The following MYOM1 variants were observed in gnomAD, a reference collection of about 807,000 sequenced individuals.
MYOM1 encodes the protein myomesin 1, also known as myomesin-1.
MYOM1 carries 164 observed loss-of-function variants against 205.3 expected under a neutral mutation model. The ratio of observed to expected loss-of-function variants is 0.80; its 90% CI spans 0.70 to 0.91. The LOEUF (loss-of-function observed/expected upper bound fraction) is 0.91, where lower values mean the gene tolerates loss of function less well. MYOM1 is among the 40% of genes least tolerant of loss of function. The pLI, the probability that MYOM1 is intolerant of heterozygous loss-of-function variation, is 0.00. For synonymous variants in MYOM1, 772 were observed against 789.4 expected, an observed-to-expected ratio of 0.98 and a Z score of 0.37; for missense variants, 2,011 against 2,127.3, an observed-to-expected ratio of 0.95 and a Z score of 1.08.
chr18:3,191,037 G>A (rs2080897072), intron 3 of MYOM1, among the ~76,000 whole-genome samples: 1 of 152,148 alleles, frequency 6.6e-6, no homozygotes, highest in African/African-American at 2.4e-5. Flanking sequence ...GTTAGACCCA[G>A]GCAATAGGGA....
At chr18:3,096,507 C>T (rs1315066197) in intron 25 of MYOM1, among the ~76,000 whole-genome samples, 3 of 148,620 alleles carry the variant, frequency 2.0e-5, no homozygotes, top group Non-Finnish European at 4.4e-5. Context: ...ATGGCATGAT[C>T]TCGGCTCACT....
intron 5 of MYOM1, among the ~76,000 whole-genome samples, chr18:3,182,585 C>G (rs907015072): frequency 1.3e-5 from 2 of 152,126 alleles, no homozygotes; most frequent in Non-Finnish European, 2.9e-5. Flanking sequence ...CACAGTGAAC[C>G]CTTCCTGGTA....
At chr18:3,086,569 C>T (rs2079157041) in intron 29 of MYOM1, among the ~76,000 whole-genome samples, 2 of 141,242 alleles carry the variant, frequency 1.4e-5, no homozygotes, top group African/African-American at 5.6e-5. Flanking sequence ...AAGCGCCAAT[C>T]TATATCTAAA....
intron 22 of MYOM1, among the ~76,000 whole-genome samples, chr18:3,110,588 C>T (rs1163178987): frequency 1.3e-5 from 2 of 152,140 alleles, no homozygotes; most frequent in African/African-American, 4.8e-5. Flanking sequence ...AGCACATGTA[C>T]AGAAAAGACA....
chr18:3,093,254 C>T (rs747099844), intron 26 of MYOM1, among the ~76,000 whole-genome samples: 25 of 152,308 alleles, frequency 1.6e-4, no homozygotes, highest in Non-Finnish European at 3.2e-4. Flanking sequence ...ACAAACCACA[C>T]CTCCTCTGCC....
intron 2 of MYOM1, among the ~76,000 whole-genome samples, chr18:3,200,324 CA>C (rs1374846836): frequency 1.3e-5 from 2 of 152,136 alleles, no homozygotes; most frequent in African/African-American, 4.8e-5. Context: ...AGTTATGAGA[CA>C]TGCCAAGAAA....
chr18:3,204,336 A>C (rs1241714612), intron 2 of MYOM1, among the ~76,000 whole-genome samples: 2 of 151,988 alleles, frequency 1.3e-5, no homozygotes, highest in South Asian at 2.1e-4. Flanking sequence ...ATCCTAAAAA[A>C]TACACACAAA....
At chr18:3,176,844 T>C (rs2080648187) in intron 5 of MYOM1, among the ~76,000 whole-genome samples, 1 of 151,988 alleles carries the variant, frequency 6.6e-6, no homozygotes, top group African/African-American at 2.4e-5. Flanking sequence ...ATTGTGCCAC[T>C]GCACTCCAGC....
intron 10 of MYOM1, among the ~76,000 whole-genome samples, chr18:3,159,125 G>A (rs2080344430): frequency 6.6e-6 from 1 of 152,144 alleles, no homozygotes; most frequent in Non-Finnish European, 1.5e-5. Flanking sequence ...AAGCCTCAAG[G>A]AATATGTAAT....
intron 25 of MYOM1, among the ~76,000 whole-genome samples, chr18:3,098,683 G>A (rs1188544105): frequency 6.6e-6 from 1 of 152,210 alleles, no homozygotes; most frequent in African/African-American, 2.4e-5. Flanking sequence ...CAGGCGCACA[G>A]CTTGAGTCAA....
intron 25 of MYOM1, among the ~76,000 whole-genome samples, chr18:3,099,355 G>C (rs2079348233): frequency 6.6e-6 from 1 of 152,226 alleles, no homozygotes; most frequent in South Asian, 2.1e-4. Context: ...TCTGGAATAG[G>C]AATATAGTTT....
Position 3,181,309 on chromosome 18 carries a change from A to G in MYOM1, c.930-5175T>C, listed in dbSNP as rs554323442. On this transcript the variant is annotated intron_variant, in intron 5 of 37. Coordinates refer to ENST00000356443, the MANE Select transcript of MYOM1 (RefSeq NM_003803.4). ...ACCTGTTTTGAGTAAATCACTCTAG[A>G]CCCACTTTAAAAACTATCTGAGAGA... Among the ~76,000 whole-genome samples the G allele has an allele frequency of 6.4e-5, 7 of 110,136 alleles. No individual in the cohort carries two copies. In the South Asian group the frequency reaches 2.1e-3, roughly 33 times the overall value. The allele number at this position is 110,136 out of a possible 152,430, so 72.3% of individuals were successfully genotyped here.
At position 3,135,787 on chromosome 18, in the gene MYOM1, G is replaced by A. The variant is rs112135406; in HGVS notation, c.2026-57C>T. The A allele has an allele frequency of 1.1e-5, 17 of 1,589,924 alleles. No homozygotes were observed. In the African/African-American group the frequency reaches 1.6e-4, roughly 15 times the overall value. Reference sequence around the variant, plus strand: ...CACAGCAAACACAAGCGAGAATCCAGGCCAGGCAACTCCAAGTTTCATTCA... The same window carrying A: ...CACAGCAAACACAAGCGAGAATCCAAGCCAGGCAACTCCAAGTTTCATTCA... On this transcript the variant is annotated intron_variant, in intron 14 of 37. Coordinates refer to ENST00000356443, the MANE Select transcript of MYOM1 (RefSeq NM_003803.4). The surrounding 1 kb of genome is among the most constrained non-coding windows in gnomAD (Gnocchi z 4.1).
intron 36 of MYOM1, 51 bp from the exon 37 acceptor site, chr18:3,071,940 T>A (rs1374901723): frequency 6.5e-7 from 1 of 1,537,172 alleles, no homozygotes; most frequent in African/African-American, 1.4e-5. Flanking sequence ...AGGCCAGCGG[T>A]CATACTCACA....
At position 3,188,998 on chromosome 18, in the gene MYOM1, C is replaced by T; in HGVS notation, c.521G>A (p.Ser174Asn). 6.2e-7 allele frequency: 1 copy of T among 1,613,566 alleles called. No homozygotes were observed. Among genetic ancestry groups the T allele is most frequent in the Non-Finnish European group, 8.5e-7 (1 of 1,179,808 alleles). Residue 174 changes from serine (S) to asparagine (N), a missense_variant, in exon 4 of 38, where the codon AGT becomes AAT. Physicochemically the swap from Ser to Asn is conservative, Grantham distance 46 (BLOSUM62 1). Transcript: ENST00000356443. ...AYIAQRNLLA[S>N]EEGITTSKQS... ...TTTAGATGTTGTGATTCCTTCCTCA[C>T]TAGCAAGAAGATTCCTCTGGGCTAT...
At chr18:3,164,194 G>T in intron 10 of MYOM1, 84 bp downstream of exon 10, 1 of 1,398,678 alleles carries the variant, frequency 7.1e-7, no homozygotes, top group Non-Finnish European at 9.9e-7. Flanking sequence ...TATGAAACAT[G>T]TTTGAACTGT....
intron 22 of MYOM1, 65 bp from the exon 23 acceptor site, chr18:3,102,695 C>T: frequency 2.6e-6 from 4 of 1,530,950 alleles, no homozygotes; most frequent in Non-Finnish European, 2.7e-6. Context: ...GAATTTGTTA[C>T]CTTGAGATTC....
At chr18:3,228,117 C>T in the MYOM1 span, among the ~76,000 whole-genome samples, 1 of 152,182 alleles carries the variant, frequency 6.6e-6, no homozygotes, top group African/African-American at 2.4e-5. This position sits in a 1 kb window ranked among gnomAD's most constrained non-coding sequence, Gnocchi z 4.5. Context: ...TCAGCATATT[C>T]TTCACTGGTT....
intron 19 of MYOM1, among the ~76,000 whole-genome samples, chr18:3,123,854 C>A (rs913142676): frequency 6.7e-6 from 1 of 148,474 alleles, no homozygotes. Context: ...CAGGATCTCG[C>A]TCTGTCACCA....
Sources: gnomAD v4.1 joint callset for allele counts (sites outside exome capture counted in the v4.1 genomes callset) on GRCh38, gnomAD v4.1.1 for gene constraint, Gnocchi (gnomAD v3.1) non-coding constraint, MANE v1.5 for transcripts, NCBI Gene and HGNC (gene_info 2026-07-23, HGNC 2026-07-21) for gene names.